SEMA4D: variants seen among roughly 807,000 people sequenced by gnomAD.
SEMA4D encodes the protein semaphorin-4D.
A neutral mutation model predicts 74.8 loss-of-function variants in SEMA4D; 22 were observed. The ratio of observed to expected loss-of-function variants is 0.29; its 90% confidence interval spans 0.21 to 0.42. The LOEUF (loss-of-function observed/expected upper bound fraction) is 0.42. SEMA4D is among the 10% of genes least tolerant of loss of function. SEMA4D has a pLI of 1.00. For missense variants in SEMA4D, 937 were observed against 1,118.4 expected (o/e 0.84, Z 2.31); for synonymous variants, 445 against 463.7 (o/e 0.96, Z 0.52).
At chr9:89,388,538 A>C in intron 11 of SEMA4D, 98 bp downstream of exon 11, 7 of 1,428,124 alleles carry the variant, frequency 4.9e-6, no homozygotes, top group Non-Finnish European at 5.6e-6. Flanking sequence ...TGGCGTGGCC[A>C]GGTACCCAGC....
intron 1 of SEMA4D, among the ~76,000 whole-genome samples, chr9:89,463,937 C>A (rs76154759): frequency 0.011 from 1,335 of 124,762 alleles, no homozygotes; most frequent in Middle Eastern, 0.016. Context: ...CCGTCTCAGA[C>A]AAAAAAAAAA....
intron 6 of SEMA4D, among the ~76,000 whole-genome samples, chr9:89,395,508 T>A (rs1380316656): frequency 6.6e-6 from 1 of 152,176 alleles, no homozygotes; most frequent in African/African-American, 2.4e-5. Flanking sequence ...CTAACCTATC[T>A]ACAGAATGTA....
intron 1 of SEMA4D, among the ~76,000 whole-genome samples, chr9:89,485,817 A>ATT (rs1825159596): frequency 9.4e-6 from 1 of 106,514 alleles, no homozygotes; most frequent in Non-Finnish European, 2.5e-5. Context: ...AAAAAAAAGA[A>ATT]AAAAAAAAAA....
chr9:89,421,455 C>T (rs1846931112), intron 2 of SEMA4D, among the ~76,000 whole-genome samples: 2 of 152,214 alleles, frequency 1.3e-5, no homozygotes, highest in Non-Finnish European at 2.9e-5. Flanking sequence ...CAAGAAGCTA[C>T]ATCCAGAATC....
In SEMA4D at chr9:89,450,659, GGAAAAAAAAAAAA is replaced by G. The variant is rs1323417520; in HGVS notation, c.-244+5216_-244+5228del. ...AGAGTTCTGCAAGTCGAAAAACCCA[GGAAAAAAAAAAAA>G]AAAAAAAAAAAAAAAGGCCTCCAAG... is the stretch of plus-strand genomic sequence containing the variant. On this transcript the variant is annotated intron_variant, in intron 2 of 15. Transcript: ENST00000422704. The G allele has an allele frequency of 6.5e-4, 275 of 421,182 alleles. 8 individuals are homozygous for G. Among genetic ancestry groups the G allele is most frequent in the African/African-American group, 2.4e-3 (78 of 32,572 alleles). 26.1% of individuals were successfully genotyped at this position (421,182 alleles called of 1,614,324 possible).
Position 89,461,700 on chromosome 9 carries a change from C to CTCTCTCTTTTTTTTTTTTTTTTTTTTTT in SEMA4D, c.-309-5748_-309-5747insAAAAAAAAAAAAAAAAAAAAAAGAGAGA, listed in dbSNP as rs71281350. 8.7e-5 allele frequency among the ~76,000 whole-genome samples: 9 copies of CTCTCTCTTTTTTTTTTTTTTTTTTTTTT among 103,662 alleles called. 1 individual carries two copies. The East Asian group carries it at 1.8e-3, about 21-fold the overall frequency. The allele number at this position is 103,662 out of a possible 152,430, so 68.0% of individuals were successfully genotyped here. On this transcript the variant is annotated intron_variant, in intron 1 of 15. Transcript: ENST00000422704. ...GGGCCAATGTGTATTTCTTTTTTCT[C>CTCTCTCTTTTTTTTTTTTTTTTTTTTTT]TTTTTTTTTTTTTTTTTTTGGAGAC...
intron 2 of SEMA4D, chr9:89,449,592 T>A (rs1853843034): frequency 1.1e-6 from 1 of 906,472 alleles, no homozygotes; most frequent in African/African-American, 1.6e-5. Flanking sequence ...GAGCAAACTA[T>A]CGCCGAGGAC....
chr9:89,385,031 G>C, intron 13 of SEMA4D: 2 of 985,414 alleles, frequency 2.0e-6, no homozygotes, highest in Non-Finnish European at 2.4e-6. Flanking sequence ...GGACCAGCAA[G>C]CGCTTCCCCA....
At chr9:89,461,700 C>CTTTTTTTT (rs61696689) in intron 1 of SEMA4D, among the ~76,000 whole-genome samples, 3,660 of 103,000 alleles carry the variant, frequency 0.036, 189 homozygotes, top group East Asian at 0.17. Context: ...TCTTTTTTCT[C>CTTTTTTTT]TTTTTTTTTT....
At position 89,436,123 on chromosome 9, in the gene SEMA4D, G is replaced by C. The variant is rs564902782; in HGVS notation, c.-244+19765C>G. 3.9e-5 allele frequency among the ~76,000 whole-genome samples: 6 copies of C among 152,334 alleles called. No individual in the cohort carries two copies. In the South Asian group the frequency reaches 8.3e-4, roughly 21 times the overall value. On this transcript the variant is annotated intron_variant, in intron 2 of 15. Transcript: ENST00000422704. Reference sequence around the variant, plus strand: ...AGTGCAAAGCTCTGGAGTGAAGCCTGTAAGGTCCACTCAAGTGTGTTTTTC... The same window carrying C: ...AGTGCAAAGCTCTGGAGTGAAGCCTCTAAGGTCCACTCAAGTGTGTTTTTC...
chr9:89,431,015 A>C (rs1243998802), intron 2 of SEMA4D, among the ~76,000 whole-genome samples: 2 of 152,218 alleles, frequency 1.3e-5, no homozygotes, highest in African/African-American at 4.8e-5. Flanking sequence ...CACCCATCAG[A>C]AACAGGTTAA....
chr9:89,384,307 A>G (rs560814370), intron 13 of SEMA4D, among the ~76,000 whole-genome samples: 11 of 152,222 alleles, frequency 7.2e-5, no homozygotes, highest in Non-Finnish European at 1.5e-4. Flanking sequence ...CATACGACAG[A>G]GGAGTATGTA....
At chr9:89,475,183 C>T (rs1018192008) in intron 1 of SEMA4D, among the ~76,000 whole-genome samples, 4 of 152,250 alleles carry the variant, frequency 2.6e-5, no homozygotes, top group Non-Finnish European at 5.9e-5. Context: ...CAGGAATGAC[C>T]AGGCTTTGTG....
chr9:89,460,379 T>C (rs1407701234), intron 1 of SEMA4D, among the ~76,000 whole-genome samples: 1 of 152,258 alleles, frequency 6.6e-6, no homozygotes, highest in Non-Finnish European at 1.5e-5. Context: ...ATGGTCAGCA[T>C]GTGGCCAGGC....
intron 2 of SEMA4D, among the ~76,000 whole-genome samples, chr9:89,415,645 T>C (rs1050932139): frequency 6.6e-6 from 1 of 152,180 alleles, no homozygotes; most frequent in African/African-American, 2.4e-5. Context: ...GAGGAGGGCC[T>C]TCACCAGACA....
intron 6 of SEMA4D, 147 bp downstream of exon 6, chr9:89,396,590 C>T (rs1841015757): frequency 4.3e-6 from 3 of 700,566 alleles, no homozygotes; most frequent in Non-Finnish European, 7.2e-6. Context: ...AGAGGGGCCA[C>T]AAGCTGCCCC....
intron 1 of SEMA4D, among the ~76,000 whole-genome samples, chr9:89,468,487 TAA>T (rs1315882958): frequency 6.6e-6 from 1 of 152,106 alleles, no homozygotes; most frequent in Non-Finnish European, 1.5e-5. Flanking sequence ...ACTCACCAAA[TAA>T]AAAGTGACGG....
In SEMA4D at chr9:89,390,387, G is replaced by T. The variant is rs576975740; in HGVS notation, c.774+877C>A. Among the ~76,000 whole-genome samples, 477 of 152,258 alleles carry T rather than the reference G, an allele frequency of 3.1e-3. 4 individuals carry two copies. The highest frequency in any genetic ancestry group is 0.011 in the African/African-American group (440 of 41,528). ...CTGCGGGGCTGCGGGGCAGCTGGAG[G>T]ATCTGGTCAGTGAGCCCTGGCTACG... On this transcript the variant is annotated intron_variant, in intron 9 of 15. Coordinates refer to ENST00000422704, the MANE Select transcript of SEMA4D (RefSeq NM_001371194.2).
chr9:89,384,233 C>CA (rs1475517139), intron 13 of SEMA4D, among the ~76,000 whole-genome samples: 1 of 152,204 alleles, frequency 6.6e-6, no homozygotes, highest in Non-Finnish European at 1.5e-5. Context: ...AAGGTGGGAG[C>CA]AACCGTGTCC....
Sources: allele counts gnomAD v4.1 joint callset (sites outside exome capture counted in the v4.1 genomes callset), GRCh38; gene constraint gnomAD v4.1.1; transcripts MANE v1.5; gene names NCBI Gene and HGNC (gene_info 2026-07-23, HGNC 2026-07-21).